The following TRPM3 variants were observed in gnomAD, a reference collection of about 807,000 sequenced individuals.
The protein encoded by TRPM3 is transient receptor potential cation channel subfamily M member 3.
In TRPM3, 77 loss-of-function variants were observed where a neutral mutation model predicts 181.2. The ratio of observed to expected loss-of-function variants is 0.42; its 90% confidence interval spans 0.35 to 0.51. The LOEUF (loss-of-function observed/expected upper bound fraction) is 0.51, where lower values mean the gene tolerates loss of function less well. Ranked by LOEUF, TRPM3 falls within the 20% of genes least tolerant of loss-of-function variation. The pLI, the probability that TRPM3 is intolerant of heterozygous loss-of-function variation, is 0.01. For missense variants in TRPM3, 1,759 were observed against 2,196.7 expected, an observed-to-expected ratio of 0.80 and a Z score of 3.98; for synonymous variants, 745 against 796.4, an observed-to-expected ratio of 0.94 and a Z score of 1.09.
Position 70,625,459 on chromosome 9 carries a change from A to G in TRPM3, c.1668+23T>C. ...GAAAAAAGAAACATATGAATGTATT[A>G]TTATGCTGGTTAATTAATTCACCTT... On this transcript the variant is annotated intron_variant, in intron 13 of 25. Transcript: ENST00000677713. This position sits in a 1 kb window ranked among gnomAD's most constrained non-coding sequence, Gnocchi z 4.8. 6.2e-7 allele frequency: 1 copy of G among 1,606,086 alleles called. No homozygotes were observed. The highest frequency in any genetic ancestry group is 1.3e-5 in the African/African-American group (1 of 74,500).
intron 1 of TRPM3, among the ~76,000 whole-genome samples, chr9:71,409,677 C>T (rs1331498530): frequency 6.6e-6 from 1 of 152,186 alleles, no homozygotes; most frequent in African/African-American, 2.4e-5. Context: ...TAACAACCCA[C>T]TGTCAACATT....
chr9:70,846,525 A>G lies in TRPM3; in HGVS notation c.529T>C (p.Leu177=), dbSNP rs754962221. Residue 177 remains leucine (L), a synonymous_variant, in exon 4 of 26, where the codon TTG becomes CTG. Coordinates refer to ENST00000677713, the MANE Select transcript of TRPM3 (RefSeq NM_001366145.2). ...LLHLMTKEWQ[L]ELPKLLISVH... ...GAGATGAGAAGCTTGGGAAGCTCCA[A>G]CTGCCATTCCTTGGTCATCAGGTGT... 1.2e-6 allele frequency: 2 copies of G among 1,614,172 alleles called. No individual in the cohort carries two copies. The highest frequency in any genetic ancestry group is 1.7e-6 in the Non-Finnish European group (2 of 1,180,020).
chr9:70,852,913 C>T (rs75338229), intron 3 of TRPM3, among the ~76,000 whole-genome samples: 2 of 152,172 alleles, frequency 1.3e-5, no homozygotes, highest in African/African-American at 4.8e-5. Flanking sequence ...AATGCAAGTT[C>T]AGGTTGATGC....
intron 1 of TRPM3, among the ~76,000 whole-genome samples, chr9:71,405,646 A>G (rs1235024285): frequency 6.6e-6 from 1 of 152,166 alleles, no homozygotes; most frequent in African/African-American, 2.4e-5. Context: ...ACATATTGAG[A>G]TCTAATTCTA....
intron 1 of TRPM3, among the ~76,000 whole-genome samples, chr9:71,184,758 A>G (rs2077582502): frequency 6.6e-6 from 1 of 152,062 alleles, no homozygotes; most frequent in Non-Finnish European, 1.5e-5. Context: ...TCTCTGACCC[A>G]TTAAAACTTG....
chr9:70,653,982 TGAG>T (rs1299775927), intron 9 of TRPM3, among the ~76,000 whole-genome samples: 2 of 152,118 alleles, frequency 1.3e-5, no homozygotes, highest in African/African-American at 4.8e-5. Flanking sequence ...CCTTGTACTG[TGAG>T]GAGATTTGAC....
intron 6 of TRPM3, among the ~76,000 whole-genome samples, chr9:70,786,227 G>A (rs1428353451): frequency 6.6e-6 from 1 of 150,958 alleles, no homozygotes. Context: ...CACTTTGGAA[G>A]GCCAAGGTGG....
chr9:70,539,992 G>A (rs940979123), intron 25 of TRPM3, among the ~76,000 whole-genome samples: 2 of 152,128 alleles, frequency 1.3e-5, no homozygotes, highest in Admixed American at 1.3e-4. Flanking sequence ...GCACCACCAT[G>A]CCCAGCTAAT....
intron 9 of TRPM3, among the ~76,000 whole-genome samples, chr9:70,666,818 TG>T (rs35498417): frequency 0.055 from 8,304 of 152,218 alleles, 285 homozygotes; most frequent in African/African-American, 0.096. Flanking sequence ...ATTATTGCAT[TG>T]TTTTTTTATC....
At chr9:71,372,023 A>G (rs1305824940) in intron 1 of TRPM3, among the ~76,000 whole-genome samples, 1 of 152,030 alleles carries the variant, frequency 6.6e-6, no homozygotes, top group Non-Finnish European at 1.5e-5. Context: ...GTTCCCTGCC[A>G]TGTGTCCATG....
chr9:70,856,711 G>A (rs2095398645), intron 3 of TRPM3, among the ~76,000 whole-genome samples: 1 of 152,090 alleles, frequency 6.6e-6, no homozygotes, highest in African/African-American at 2.4e-5. Flanking sequence ...GAAAATGAGG[G>A]CTAGAAATAA....
intron 1 of TRPM3, among the ~76,000 whole-genome samples, chr9:71,204,562 A>C (rs1235275863): frequency 6.6e-6 from 1 of 152,202 alleles, no homozygotes; most frequent in East Asian, 1.9e-4. Context: ...GTCAGGAAAC[A>C]ACAGGTGCTG....
chr9:71,439,658 G>C (rs2094105649), intron 1 of TRPM3, among the ~76,000 whole-genome samples: 2 of 151,808 alleles, frequency 1.3e-5, no homozygotes, highest in African/African-American at 2.4e-5. Flanking sequence ...AATGGCATGG[G>C]GATATTTTAG....
At chr9:70,897,230 C>T (rs1428747232) in intron 1 of TRPM3, among the ~76,000 whole-genome samples, 1 of 95,158 alleles carries the variant, frequency 1.1e-5, no homozygotes, top group Non-Finnish European at 2.3e-5. Flanking sequence ...TAACCAACCT[C>T]TATCTCTCCC....
chr9:71,224,798 A>C (rs1040223274), intron 1 of TRPM3, among the ~76,000 whole-genome samples: 1 of 152,158 alleles, frequency 6.6e-6, no homozygotes, highest in African/African-American at 2.4e-5. Flanking sequence ...AAAAAAAGAA[A>C]GAAAAGAAAA....
chr9:71,391,841 A>G (rs2093069290), intron 1 of TRPM3, among the ~76,000 whole-genome samples: 1 of 152,100 alleles, frequency 6.6e-6, no homozygotes, highest in African/African-American at 2.4e-5. Flanking sequence ...GGCTGAAGAG[A>G]TAAGGTATAA....
chr9:70,740,307 A>G (rs1176882331), intron 8 of TRPM3, among the ~76,000 whole-genome samples: 1 of 152,194 alleles, frequency 6.6e-6, no homozygotes, highest in Non-Finnish European at 1.5e-5. Flanking sequence ...AACACCGCTG[A>G]AAGAAATCAT....
intron 1 of TRPM3, among the ~76,000 whole-genome samples, chr9:71,297,425 A>G (rs1229625532): frequency 6.6e-6 from 1 of 152,288 alleles, no homozygotes; most frequent in East Asian, 1.9e-4. Flanking sequence ...TTTAGAAACG[A>G]AAGTGGTTTA....
rs1265445047 is a variant in TRPM3 at position 70,531,580 on chromosome 9, G to C, written c.*4373C>G. The C allele has an allele frequency of 6.6e-6, 1 of 152,100 alleles. No individual in the cohort carries two copies. Among genetic ancestry groups the C allele is most frequent in the Admixed American group, 6.5e-5 (1 of 15,280 alleles). 9.4% of individuals were successfully genotyped at this position (152,100 alleles called of 1,614,324 possible). A position where few individuals can be genotyped will look rare whatever the true frequency, so the allele number is the denominator to read the frequency against. On this transcript the variant is annotated 3_prime_UTR_variant, in exon 26 of 26. Transcript: ENST00000677713. ...ATAGTGAGTTATAATGCAATATCTA[G>C]GCCAAATATATAACCACCTACACAC...
Sources: gnomAD v4.1 joint callset for allele counts (sites outside exome capture counted in the v4.1 genomes callset) on GRCh38, gnomAD v4.1.1 for gene constraint, Gnocchi (gnomAD v3.1) non-coding constraint, MANE v1.5 for transcripts, NCBI Gene and HGNC (gene_info 2026-07-23, HGNC 2026-07-21) for gene names.